Variants in ZNF140 observed in about 807,000 individuals in gnomAD.
The protein encoded by ZNF140 is zinc finger protein 140.
A neutral mutation model predicts 12.9 loss-of-function variants in ZNF140; 13 were observed. The observed-to-expected ratio is 1.01, with a 90% CI of 0.66 to 1.60. The LOEUF is 1.60. ZNF140 is among the 40% of genes most tolerant of loss of function. The probability of loss-of-function intolerance (pLI) is 0.00; values close to 1 mark genes in which losing one functional copy is unlikely to be tolerated. For missense variants in ZNF140, 531 were observed against 548.8 expected (o/e 0.97, Z 0.32); for synonymous variants, 214 against 186.7 (o/e 1.15, Z -1.19).
At chr12:133,087,258 G>A (rs1255383156) in intron 4 of ZNF140, among the ~76,000 whole-genome samples, 2 of 151,912 alleles carry the variant, frequency 1.3e-5, no homozygotes, top group African/African-American at 4.8e-5. Flanking sequence ...CTGAGAAGTC[G>A]TGGTTGACAT....
At position 133,107,334 on chromosome 12, in the gene ZNF140, A is replaced by G. The variant is rs1464851806; in HGVS notation, c.*683A>G. 6.6e-6 allele frequency: 1 copy of G among 152,246 alleles called. No individual in the cohort carries two copies. Among genetic ancestry groups the G allele is most frequent in the East Asian group, 1.9e-4 (1 of 5,204 alleles). The allele number at this position is 152,246 out of a possible 1,614,324, so 9.4% of individuals were successfully genotyped here. ...AAAAGTCATACTGGATGGAATCTGTAGGAAACGGTTCTATTTTGAGGGAAG... is the reference window on the plus strand; with the variant it reads ...AAAAGTCATACTGGATGGAATCTGTGGGAAACGGTTCTATTTTGAGGGAAG... On this transcript the variant is annotated 3_prime_UTR_variant, in exon 5 of 5. Coordinates refer to ENST00000355557, the MANE Select transcript of ZNF140 (RefSeq NM_003440.4).
At chr12:133,091,417 G>A (rs1311463712) in intron 4 of ZNF140, among the ~76,000 whole-genome samples, 1 of 151,316 alleles carries the variant, frequency 6.6e-6, no homozygotes, top group Non-Finnish European at 1.5e-5. Flanking sequence ...GCTGGGGAAA[G>A]CTACAAATTA....
At chr12:133,095,834 G>A (rs559532846) in intron 4 of ZNF140, among the ~76,000 whole-genome samples, 174 of 151,954 alleles carry the variant, frequency 1.1e-3, no homozygotes, top group African/African-American at 2.2e-3. Context: ...ACATCTCAGC[G>A]GAGTAAAGAA....
intron 4 of ZNF140, 100 bp from the exon 5 acceptor site, chr12:133,105,408 GAT>G: frequency 7.8e-7 from 1 of 1,287,176 alleles, no homozygotes; most frequent in South Asian, 1.6e-5. Context: ...CTATTGATAA[GAT>G]TTTTTGAAAC....
At chr12:133,091,913 G>A (rs928477899) in intron 4 of ZNF140, among the ~76,000 whole-genome samples, 6 of 151,120 alleles carry the variant, frequency 4.0e-5, no homozygotes, top group African/African-American at 4.9e-5. Flanking sequence ...TTATAGGCTC[G>A]AGGTGTAATA....
chr12:133,083,437 C>T, intron 3 of ZNF140, 29 bp from the exon 4 acceptor site: 8 of 1,598,122 alleles, frequency 5.0e-6, no homozygotes, highest in Non-Finnish European at 6.8e-6. Flanking sequence ...AATGACTGAT[C>T]TTGAATTTAT....
intron 4 of ZNF140, among the ~76,000 whole-genome samples, chr12:133,086,799 G>A (rs1033135192): frequency 1.6e-4 from 25 of 151,996 alleles, no homozygotes; most frequent in South Asian, 2.1e-4. Context: ...TCGATCCATC[G>A]TTCACTTTAT....
In ZNF140 at chr12:133,095,480, T is replaced by A. The variant is rs1030726303; in HGVS notation, c.233-10030T>A. Among the ~76,000 whole-genome samples the A allele has an allele frequency of 7.3e-5, 11 of 150,752 alleles. No homozygotes were observed. In the South Asian group the frequency reaches 2.3e-3, roughly 32 times the overall value. ...CCACATCGGGCGCCAGATGAAGGGGTGGCCTGCCCCTCCACACCTGTGGGT... is the reference window on the plus strand; with the variant it reads ...CCACATCGGGCGCCAGATGAAGGGGAGGCCTGCCCCTCCACACCTGTGGGT... On this transcript the variant is annotated intron_variant, in intron 4 of 4. Coordinates refer to ENST00000355557, the MANE Select transcript of ZNF140 (RefSeq NM_003440.4).
chr12:133,096,952 TGAA>T (rs1325476846), intron 4 of ZNF140, among the ~76,000 whole-genome samples: 1 of 152,240 alleles, frequency 6.6e-6, no homozygotes, highest in Non-Finnish European at 1.5e-5. Context: ...AGAGGGGTGT[TGAA>T]GTCCCCAAGT....
intron 4 of ZNF140, among the ~76,000 whole-genome samples, chr12:133,085,620 G>T (rs1954648794): frequency 6.6e-6 from 1 of 152,054 alleles, no homozygotes; most frequent in South Asian, 2.1e-4. Context: ...TGTTCCATCA[G>T]CTCTTTGCAT....
intron 4 of ZNF140, among the ~76,000 whole-genome samples, chr12:133,089,857 T>G (rs1954798191): frequency 6.6e-6 from 1 of 151,942 alleles, no homozygotes; most frequent in South Asian, 2.1e-4. Flanking sequence ...TTTGTGCTTT[T>G]TTTTTTTTTT....
intron 4 of ZNF140, among the ~76,000 whole-genome samples, chr12:133,101,514 A>G (rs1362958173): frequency 4.6e-5 from 7 of 152,104 alleles, no homozygotes; most frequent in African/African-American, 7.2e-5. Context: ...GCGCGATCTC[A>G]GCTTACTGCA....
intron 4 of ZNF140, among the ~76,000 whole-genome samples, chr12:133,097,587 G>A (rs1372303010): frequency 1.4e-5 from 2 of 147,686 alleles, no homozygotes; most frequent in Non-Finnish European, 3.0e-5. Flanking sequence ...AGGTTGCAGT[G>A]AGCCGAGATC....
chr12:133,081,234 C>A, intron 1 of ZNF140, 39 bp from the exon 2 acceptor site: 1 of 1,127,592 alleles, frequency 8.9e-7, no homozygotes, highest in Non-Finnish European at 1.3e-6. Context: ...CGCGGCCTAG[C>A]TGGCCTGTTC....
At chr12:133,086,780 A>G (rs1954690891) in intron 4 of ZNF140, among the ~76,000 whole-genome samples, 1 of 152,190 alleles carries the variant, frequency 6.6e-6, no homozygotes, top group African/African-American at 2.4e-5. Flanking sequence ...TTATTTTGCC[A>G]TTCACATTTC....
At chr12:133,104,056 T>G (rs958110325) in intron 4 of ZNF140, among the ~76,000 whole-genome samples, 9 of 152,238 alleles carry the variant, frequency 5.9e-5, no homozygotes, top group African/African-American at 2.2e-4. Context: ...CTATTTACCT[T>G]TCCTTAAAAG....
intron 4 of ZNF140, among the ~76,000 whole-genome samples, chr12:133,084,359 A>G (rs945027759): frequency 1.3e-5 from 2 of 152,224 alleles, no homozygotes; most frequent in African/African-American, 4.8e-5. Context: ...TAATATTTAC[A>G]GAAATTTTAA....
chr12:133,080,784 C>G (rs1218208244), upstream of ZNF140: 1 of 152,412 alleles, frequency 6.6e-6, no homozygotes, highest in Non-Finnish European at 1.5e-5. Flanking sequence ...ACGAAAAGCC[C>G]TTGCGCGCAG....
intron 4 of ZNF140, among the ~76,000 whole-genome samples, chr12:133,104,631 G>A (rs61951770): frequency 0.19 from 28,434 of 152,096 alleles, 3,265 homozygotes; most frequent in Non-Finnish European, 0.26. Context: ...GATTACAGGC[G>A]TGAGCCACTG....
Sources: gnomAD v4.1 joint callset for allele counts (sites outside exome capture counted in the v4.1 genomes callset) on GRCh38, gnomAD v4.1.1 for gene constraint, MANE v1.5 for transcripts, NCBI Gene and HGNC (gene_info 2026-07-23, HGNC 2026-07-21) for gene names.